ATP6V1C1: variants seen among roughly 807,000 people sequenced by gnomAD.
ATP6V1C1 encodes V-type proton ATPase subunit C 1.
A neutral mutation model predicts 53.9 loss-of-function variants in ATP6V1C1; 45 were observed. That is an observed-to-expected ratio of 0.83 (90% CI 0.66 to 1.07). The LOEUF (loss-of-function observed/expected upper bound fraction) is 1.07. Ranked by LOEUF, ATP6V1C1 falls within the 50% of genes least tolerant of loss-of-function variation. The pLI is 0.00. For missense variants in ATP6V1C1, 315 were observed against 440.3 expected (o/e 0.72, Z 2.55); for synonymous variants, 153 against 155.2 (o/e 0.99, Z 0.11).
At chr8:103,026,172 A>G (rs924956020) in intron 1 of ATP6V1C1, among the ~76,000 whole-genome samples, 6 of 152,358 alleles carry the variant, frequency 3.9e-5, no homozygotes, top group African/African-American at 1.4e-4. Context: ...CCTCCTGGCC[A>G]TGTCTGCCAA....
At chr8:103,055,355 C>T (rs967975285) in intron 7 of ATP6V1C1, among the ~76,000 whole-genome samples, 1 of 152,098 alleles carries the variant, frequency 6.6e-6, no homozygotes, top group Non-Finnish European at 1.5e-5. Flanking sequence ...CTCCCCACAC[C>T]CCTGGAAGCC....
chr8:103,034,322 A>G (rs867425814), intron 1 of ATP6V1C1, among the ~76,000 whole-genome samples: 1 of 152,290 alleles, frequency 6.6e-6, no homozygotes, highest in South Asian at 2.1e-4. Flanking sequence ...CTTCGTATTC[A>G]AGATAAAATA....
rs556538962 is a variant in ATP6V1C1, at chr8:103,054,282, G to T, written c.572+300G>T. 1.4e-4 allele frequency among the ~76,000 whole-genome samples: 21 copies of T among 152,130 alleles called. No homozygotes were observed. In the South Asian group the frequency reaches 4.4e-3, roughly 32 times the overall value. ...GATTGTTTAAAAAATACAGATTTTA[G>T]ATTTCTCAAAATAGGAAGGTCTTTG... On this transcript the variant is annotated intron_variant, in intron 7 of 12. Coordinates refer to ENST00000518738, the MANE Select transcript of ATP6V1C1 (RefSeq NM_001695.5).
At chr8:103,053,528 G>A (rs750873813) in intron 6 of ATP6V1C1, among the ~76,000 whole-genome samples, 1 of 151,918 alleles carries the variant, frequency 6.6e-6, no homozygotes, top group Admixed American at 6.6e-5. Context: ...TAAAGGTATT[G>A]TGCTTAGATG....
chr8:103,042,738 C>T (rs569651269), intron 3 of ATP6V1C1, among the ~76,000 whole-genome samples: 1 of 152,166 alleles, frequency 6.6e-6, no homozygotes, highest in South Asian at 2.1e-4. Context: ...AATATTTCAT[C>T]ATCCTCTATT....
intron 1 of ATP6V1C1, among the ~76,000 whole-genome samples, chr8:103,023,307 G>A (rs1374345613): frequency 2.0e-5 from 3 of 150,004 alleles, no homozygotes; most frequent in African/African-American, 7.4e-5. Flanking sequence ...TGGTGGGGGG[G>A]AGATAATGTG....
intron 5 of ATP6V1C1, among the ~76,000 whole-genome samples, chr8:103,051,390 T>A (rs1817197034): frequency 6.6e-6 from 1 of 152,142 alleles, no homozygotes; most frequent in Admixed American, 6.6e-5. Flanking sequence ...TTTAAGAAAG[T>A]GTGAAAATTC....
chr8:103,070,694 A>C lies in ATP6V1C1; in HGVS notation c.*1947A>C, dbSNP rs539231719. 1.3e-5 allele frequency: 2 copies of C among 152,374 alleles called. No homozygotes were observed. Among genetic ancestry groups the C allele is most frequent in the South Asian group, 4.1e-4 (2 of 4,828 alleles). 9.4% of individuals were successfully genotyped at this position (152,374 alleles called of 1,614,324 possible). ...CTGTTGTTCTCATGAGAGTAGGTAC[A>C]GACTGCATAAGGTTTAGAATCCCAG... On this transcript the variant is annotated 3_prime_UTR_variant, in exon 13 of 13. Coordinates refer to ENST00000518738, the MANE Select transcript of ATP6V1C1 (RefSeq NM_001695.5).
intron 1 of ATP6V1C1, among the ~76,000 whole-genome samples, chr8:103,023,735 A>G (rs1173980018): frequency 6.6e-6 from 1 of 152,186 alleles, no homozygotes; most frequent in East Asian, 1.9e-4. Context: ...GGGAACCTGG[A>G]GCTAGAGAAA....
intron 1 of ATP6V1C1, chr8:103,021,551 T>C (rs1374929032): frequency 6.7e-6 from 1 of 149,540 alleles, no homozygotes; most frequent in East Asian, 2.0e-4. Context: ...GGGAATGAAG[T>C]GATAGGTCCA....
At chr8:103,058,181 A>C (rs1817324072) in intron 8 of ATP6V1C1, among the ~76,000 whole-genome samples, 1 of 152,232 alleles carries the variant, frequency 6.6e-6, no homozygotes, top group Non-Finnish European at 1.5e-5. Context: ...TTAGTAGTTT[A>C]AAGGGCAAAT....
chr8:103,055,772 G>T, intron 7 of ATP6V1C1, 96 bp from the exon 8 acceptor site: 1 of 1,173,904 alleles, frequency 8.5e-7, no homozygotes, highest in South Asian at 1.4e-5. Context: ...ACTATAGCCA[G>T]ATTTCCTATT....
chr8:103,046,681 A>C (rs916349107), intron 3 of ATP6V1C1, among the ~76,000 whole-genome samples: 1 of 151,482 alleles, frequency 6.6e-6, no homozygotes, highest in African/African-American at 2.5e-5. Flanking sequence ...TTTAAAAATC[A>C]TGTCGTTGTT....
chr8:103,062,756 TA>T (rs1210444156), intron 8 of ATP6V1C1, among the ~76,000 whole-genome samples, 198 bp from the exon 9 acceptor site: 1 of 152,154 alleles, frequency 6.6e-6, no homozygotes, highest in East Asian at 1.9e-4. Context: ...TGTAGAGTGT[TA>T]AGGTATCATA....
At chr8:103,048,328 C>T (rs1320205964) in intron 3 of ATP6V1C1, among the ~76,000 whole-genome samples, 3 of 152,186 alleles carry the variant, frequency 2.0e-5, no homozygotes, top group Admixed American at 6.5e-5. Context: ...GGCATTATGG[C>T]TTCCTCTATA....
chr8:103,066,536 A>G, intron 12 of ATP6V1C1, 89 bp downstream of exon 12: 5 of 1,360,370 alleles, frequency 3.7e-6, no homozygotes, highest in Non-Finnish European at 4.9e-6. Flanking sequence ...AAGGGAGGGT[A>G]AGTATGAAAC....
rs767825523 is a variant in ATP6V1C1 at position 103,062,161 on chromosome 8, GT to G, written c.642-765del. ...TATTTAGACAGTTGTGTTCATCAGG[GT>G]TTTTTTTTTTTTTTTTTTTTTTTTT... On this transcript the variant is annotated intron_variant, in intron 8 of 12. Coordinates refer to ENST00000518738, the MANE Select transcript of ATP6V1C1 (RefSeq NM_001695.5). 9.5e-3 allele frequency among the ~76,000 whole-genome samples: 675 copies of G among 70,758 alleles called. 2 individuals carry two copies. The highest frequency in any genetic ancestry group is 0.035 in the African/African-American group (586 of 16,940). The allele number at this position is 70,758 out of a possible 152,430, so 46.4% of individuals were successfully genotyped here. A position where few individuals can be genotyped will look rare whatever the true frequency, so the allele number is the denominator to read the frequency against.
chr8:103,054,439 G>C (rs1400127496), intron 7 of ATP6V1C1, among the ~76,000 whole-genome samples: 1 of 152,042 alleles, frequency 6.6e-6, no homozygotes, highest in Non-Finnish European at 1.5e-5. Flanking sequence ...TGTAGGCTTT[G>C]TAAACAATGT....
intron 7 of ATP6V1C1, 75 bp from the exon 8 acceptor site, chr8:103,055,792 AT>A: frequency 7.2e-7 from 1 of 1,384,154 alleles, no homozygotes; most frequent in Non-Finnish European, 1.0e-6. Flanking sequence ...TTGTCTCATA[AT>A]TTTTTCTCTT....
Sources: gnomAD v4.1 joint callset for allele counts (sites outside exome capture counted in the v4.1 genomes callset) on GRCh38, gnomAD v4.1.1 for gene constraint, MANE v1.5 for transcripts, NCBI Gene and HGNC (gene_info 2026-07-23, HGNC 2026-07-21) for gene names.